Variants in NAA15 observed in about 807,000 individuals in gnomAD.
The protein encoded by NAA15 is N-terminal acetyltransferase.
NAA15 carries 34 observed loss-of-function variants against 114.0 expected under a neutral mutation model. The ratio of observed to expected loss-of-function variants is 0.30; its 90% confidence interval spans 0.23 to 0.40. The LOEUF is 0.40. NAA15 is among the 10% of genes least tolerant of loss of function. The pLI is 1.00. For synonymous variants in NAA15, 340 were observed against 338.0 expected (o/e 1.01, Z -0.06); for missense variants, 658 against 1,004.5 (o/e 0.66, Z 4.66).
At chr4:139,381,584 C>G (rs1560982571) in intron 17 of NAA15, among the ~76,000 whole-genome samples, 1 of 151,840 alleles carries the variant, frequency 6.6e-6, no homozygotes, top group Non-Finnish European at 1.5e-5. Flanking sequence ...TTTTTTTAAG[C>G]TTTGTTTAAT....
At chr4:139,354,693 C>G (rs1747885911) in intron 10 of NAA15, among the ~76,000 whole-genome samples, 3 of 152,210 alleles carry the variant, frequency 2.0e-5, no homozygotes, top group Non-Finnish European at 2.9e-5. Flanking sequence ...TTACCCAGCA[C>G]TCAGCTTCAA....
intron 1 of NAA15, among the ~76,000 whole-genome samples, chr4:139,312,901 G>A (rs553449821): frequency 7.9e-5 from 12 of 151,836 alleles, no homozygotes; most frequent in Admixed American, 6.6e-4. Context: ...ATGATGGACA[G>A]GTTGATGTTT....
At chr4:139,317,462 A>T (rs529483463) in intron 1 of NAA15, among the ~76,000 whole-genome samples, 77 of 152,242 alleles carry the variant, frequency 5.1e-4, no homozygotes, top group Middle Eastern at 6.8e-3. Context: ...CTCTACTAAG[A>T]ATACAAAAAT....
chr4:139,342,278 TTGGTCTTAAGTTTTAAAAACTTAAATC>T (rs1435982890), intron 4 of NAA15, among the ~76,000 whole-genome samples: 26 of 152,098 alleles, frequency 1.7e-4, no homozygotes, highest in Non-Finnish European at 2.4e-4. Context: ...GGTCTTAAGT[TTGGTCTTAAGTTTTAAAAACTTAAATC>T]TGGTCTTAAG....
intron 14 of NAA15, among the ~76,000 whole-genome samples, chr4:139,366,314 C>G (rs954816054): frequency 2.0e-5 from 3 of 152,128 alleles, no homozygotes; most frequent in Non-Finnish European, 4.4e-5. Context: ...ATGGCTTACT[C>G]AACCTGGCTG....
chr4:139,309,111 G>A (rs1299580760), intron 1 of NAA15, among the ~76,000 whole-genome samples: 1 of 151,566 alleles, frequency 6.6e-6, no homozygotes, highest in Non-Finnish European at 1.5e-5. Context: ...ACTTTGGGAG[G>A]CTGAGGCGGG....
rs1370742182 is a variant in NAA15 at position 139,390,284 on chromosome 4, C to A, written c.*2200C>A. Reference sequence around the variant, plus strand: ...ATTTTACTGGAACTATTGAATAAATCTTTTATTTTCTTTCAGGTTTACTTG... The same window carrying A: ...ATTTTACTGGAACTATTGAATAAATATTTTATTTTCTTTCAGGTTTACTTG... On this transcript the variant is annotated 3_prime_UTR_variant, in exon 20 of 20. Transcript: ENST00000296543. The A allele has an allele frequency of 6.6e-6, 1 of 152,578 alleles. No homozygotes were observed. Among genetic ancestry groups the A allele is most frequent in the African/African-American group, 2.4e-5 (1 of 41,436 alleles). 9.5% of individuals were successfully genotyped at this position (152,578 alleles called of 1,614,324 possible).
At chr4:139,356,705 G>A (rs1747962329) in intron 10 of NAA15, 1 of 151,940 alleles carries the variant, frequency 6.6e-6, no homozygotes, top group South Asian at 2.1e-4. Context: ...TTAGAAATTT[G>A]TATTAAAAAA....
At chr4:139,366,864 C>A (rs1430677337) in intron 14 of NAA15, among the ~76,000 whole-genome samples, 1 of 152,158 alleles carries the variant, frequency 6.6e-6, no homozygotes, top group African/African-American at 2.4e-5. Flanking sequence ...TTGCCTTGGC[C>A]TCCCAAAGTG....
chr4:139,313,156 T>C (rs560620305), intron 1 of NAA15, among the ~76,000 whole-genome samples: 10 of 152,006 alleles, frequency 6.6e-5, no homozygotes, highest in Non-Finnish European at 1.2e-4. Context: ...GAAAGTTTGC[T>C]TTTAAAAACA....
At chr4:139,371,888 A>G (rs1392507418) in intron 15 of NAA15, among the ~76,000 whole-genome samples, 4 of 151,848 alleles carry the variant, frequency 2.6e-5, no homozygotes, top group African/African-American at 9.7e-5. Flanking sequence ...TTTCATTATA[A>G]CTCTTCATGT....
chr4:139,302,451 T>C (rs1481385017), intron 1 of NAA15: 1 of 152,228 alleles, frequency 6.6e-6, no homozygotes, highest in Non-Finnish European at 1.5e-5. Flanking sequence ...AGTCTTCAGC[T>C]CCTCTGCCTC....
chr4:139,371,561 G>C (rs1748441999), intron 15 of NAA15, among the ~76,000 whole-genome samples: 1 of 140,018 alleles, frequency 7.1e-6, no homozygotes, highest in African/African-American at 2.6e-5. Flanking sequence ...GAAAAATCCA[G>C]TTGGATTCTA....
chr4:139,349,571 A>C lies in NAA15; in HGVS notation c.801A>C (p.Ala267=), dbSNP rs1222462681. The change falls in exon 7 of 20, where the codon GCA becomes GCC. Residue 267 remains alanine (A), a synonymous_variant. Transcript: ENST00000296543. The stretch of plus-strand genomic sequence containing the variant: ...CCTATTACAAAGGCTTGGAAAAAGC[A>C]CTCAAGCCAGGTAGTATTGTTTAAA... ...NWAYYKGLEK[A]LKPANMLERL... 8 of 1,607,558 alleles carry C rather than the reference A, an allele frequency of 5.0e-6. No homozygotes were observed. The highest frequency in any genetic ancestry group is 6.8e-6 in the Non-Finnish European group (8 of 1,178,356).
intron 1 of NAA15, among the ~76,000 whole-genome samples, chr4:139,321,995 C>T (rs1036259042): frequency 6.6e-6 from 1 of 152,026 alleles, no homozygotes; most frequent in Non-Finnish European, 1.5e-5. Context: ...TAGTATGGAT[C>T]CTAGGATATT....
intron 15 of NAA15, among the ~76,000 whole-genome samples, chr4:139,370,774 AG>A (rs1042106661): frequency 4.0e-4 from 61 of 152,350 alleles, no homozygotes; most frequent in African/African-American, 1.4e-3. Context: ...ATCCTTATTT[AG>A]GACTGGAGAA....
At chr4:139,377,353 A>G (rs1028476013) in intron 16 of NAA15, among the ~76,000 whole-genome samples, 4 of 152,130 alleles carry the variant, frequency 2.6e-5, no homozygotes, top group Admixed American at 6.5e-5. Flanking sequence ...CCTGACCAAC[A>G]TGGAGAAACC....
intron 1 of NAA15, among the ~76,000 whole-genome samples, chr4:139,321,168 G>A (rs1227832537): frequency 1.3e-5 from 2 of 148,630 alleles, no homozygotes; most frequent in African/African-American, 2.5e-5. Flanking sequence ...CTATTTAATC[G>A]ACTCTGTTTT....
chr4:139,372,761 A>G (rs1748478907), intron 15 of NAA15, among the ~76,000 whole-genome samples: 1 of 133,182 alleles, frequency 7.5e-6, no homozygotes, highest in South Asian at 2.4e-4. Flanking sequence ...TCTGTATTTC[A>G]GCTTTCTTCT....
Sources: gnomAD v4.1 joint callset for allele counts (sites outside exome capture counted in the v4.1 genomes callset) on GRCh38, gnomAD v4.1.1 for gene constraint, MANE v1.5 for transcripts, NCBI Gene and HGNC (gene_info 2026-07-23, HGNC 2026-07-21) for gene names.